Variants in CRACR2A observed in about 807,000 individuals in gnomAD.
CRACR2A encodes calcium release activated channel regulator 2A, also known as EF-hand calcium-binding domain-containing protein 4B.
Under a neutral mutation model 90.5 loss-of-function variants are expected in CRACR2A, and 79 were observed. The ratio of observed to expected loss-of-function variants is 0.87; its 90% confidence interval spans 0.73 to 1.05. CRACR2A has a LOEUF of 1.05. CRACR2A is among the 50% of genes least tolerant of loss of function. The probability of loss-of-function intolerance (pLI) is 0.00; values close to 1 mark genes in which losing one functional copy is unlikely to be tolerated. For synonymous variants in CRACR2A, 338 were observed against 356.7 expected (o/e 0.95, Z 0.59); for missense variants, 823 against 897.2 (o/e 0.92, Z 1.06).
At chr12:3,720,119 C>CAAGA (rs200436404) in intron 2 of CRACR2A, among the ~76,000 whole-genome samples, 32,909 of 125,192 alleles carry the variant, frequency 0.26, 4,505 homozygotes, top group Middle Eastern at 0.35. Context: ...AACTCTATCT[C>CAAGA]AAGAAAGAAA....
intron 15 of CRACR2A, among the ~76,000 whole-genome samples, chr12:3,629,457 G>A (rs530454062): frequency 6.6e-6 from 1 of 152,346 alleles, no homozygotes; most frequent in African/African-American, 2.4e-5. Flanking sequence ...GACAGAAGGG[G>A]CTGCCTGCTT....
intron 7 of CRACR2A, among the ~76,000 whole-genome samples, chr12:3,665,774 G>C (rs1004735780): frequency 7.9e-5 from 12 of 152,160 alleles, no homozygotes; most frequent in African/African-American, 2.9e-4. Context: ...AACCTGACGA[G>C]GCTCAATAGA....
At chr12:3,673,423 G>A (rs1384482555) in intron 7 of CRACR2A, 23 bp downstream of exon 7, 1 of 1,598,216 alleles carries the variant, frequency 6.3e-7, no homozygotes, top group Non-Finnish European at 8.5e-7. Flanking sequence ...GTTACAGAAA[G>A]CGGCTGACAC....
chr12:3,637,501 CCTT>C (rs1157940309), intron 14 of CRACR2A, among the ~76,000 whole-genome samples: 3 of 152,150 alleles, frequency 2.0e-5, no homozygotes, highest in Admixed American at 6.5e-5. Context: ...CCAATTTTCT[CCTT>C]TTTTTCCTTC....
intron 3 of CRACR2A, among the ~76,000 whole-genome samples, chr12:3,705,817 C>CACATTTTTCTG (rs1945908633): frequency 1.3e-5 from 2 of 152,328 alleles, no homozygotes; most frequent in East Asian, 3.9e-4. Flanking sequence ...TTATAGGATA[C>CACATTTTTCTG]ACATTTGGTG....
intron 15 of CRACR2A, among the ~76,000 whole-genome samples, chr12:3,629,569 G>A (rs951067890): frequency 6.6e-6 from 1 of 152,252 alleles, no homozygotes; most frequent in Non-Finnish European, 1.5e-5. Flanking sequence ...CTGCCTGCTG[G>A]TAAGGCTTGC....
chr12:3,726,494 G>A (rs1946266753), intron 2 of CRACR2A: 1 of 152,026 alleles, frequency 6.6e-6, no homozygotes. Context: ...GAAGTACAAG[G>A]AAATAAAAGA....
intron 2 of CRACR2A, among the ~76,000 whole-genome samples, chr12:3,723,293 A>G (rs757068702): frequency 6.6e-6 from 1 of 152,062 alleles, no homozygotes; most frequent in Non-Finnish European, 1.5e-5. Context: ...AGGCCTTCTC[A>G]CCATGATAGG....
intron 1 of CRACR2A, among the ~76,000 whole-genome samples, chr12:3,733,561 G>A (rs964076620): frequency 1.3e-5 from 2 of 152,094 alleles, no homozygotes; most frequent in African/African-American, 4.8e-5. Flanking sequence ...GCCATCTGAT[G>A]TGTTGACTGC....
At chr12:3,723,977 G>A (rs963066081) in intron 2 of CRACR2A, among the ~76,000 whole-genome samples, 3 of 152,052 alleles carry the variant, frequency 2.0e-5, no homozygotes, top group African/African-American at 7.3e-5. Flanking sequence ...TCGTTTCTAG[G>A]ACAATGGGTA....
rs1945591700 is a variant in CRACR2A, at chr12:3,687,941, A to C, written c.229-7592T>G. Reference sequence around the variant, plus strand: ...TTTGATTTGCGTTTCTCTAGTGATCAGTGATGACCTTTTTTTCATATGCTT... The same window carrying C: ...TTTGATTTGCGTTTCTCTAGTGATCCGTGATGACCTTTTTTTCATATGCTT... On this transcript the variant is annotated intron_variant, in intron 4 of 19. Transcript: ENST00000440314. 2.0e-5 allele frequency among the ~76,000 whole-genome samples: 3 copies of C among 152,262 alleles called. No homozygotes were observed. In the South Asian group the frequency reaches 6.2e-4, roughly 32 times the overall value.
chr12:3,750,772 G>T (rs1342914327), intron 1 of CRACR2A, among the ~76,000 whole-genome samples: 4 of 152,148 alleles, frequency 2.6e-5, no homozygotes, highest in Admixed American at 2.6e-4. Flanking sequence ...CCAGTACCCA[G>T]GCAGCCTGCA....
chr12:3,722,550 C>T (rs1041369808), intron 2 of CRACR2A, among the ~76,000 whole-genome samples: 4 of 151,334 alleles, frequency 2.6e-5, no homozygotes, highest in Non-Finnish European at 5.9e-5. Flanking sequence ...TCTGGGAGGC[C>T]GTATGGAGGT....
chr12:3,639,666 A>C (rs994386724), intron 13 of CRACR2A, among the ~76,000 whole-genome samples: 9 of 152,042 alleles, frequency 5.9e-5, no homozygotes, highest in African/African-American at 1.9e-4. Context: ...AGGAAAAAGA[A>C]AAAAAAATGC....
chr12:3,727,200 T>C (rs1306275488), intron 2 of CRACR2A: 1 of 147,370 alleles, frequency 6.8e-6, no homozygotes, highest in Non-Finnish European at 1.5e-5. Context: ...CCTTATAGTA[T>C]GGGCGGTGAG....
chr12:3,650,699 C>T (rs1351812520), intron 10 of CRACR2A, among the ~76,000 whole-genome samples: 1 of 152,128 alleles, frequency 6.6e-6, no homozygotes, highest in African/African-American at 2.4e-5. Context: ...TTCCTCTGCT[C>T]AGGAAAATCA....
chr12:3,691,869 G>T lies in CRACR2A; in HGVS notation c.228+4903C>A, dbSNP rs4766161. Among the ~76,000 whole-genome samples the T allele has an allele frequency of 0.019, 2,827 of 151,976 alleles. 179 individuals carry two copies. The East Asian group carries it at 0.24, about 13-fold the overall frequency. ...TTCTCATTCTTTTTTCTCTATTCTT[G>T]TCTGACTGTCTTATTTCAGAAAGCC... On this transcript the variant is annotated intron_variant, in intron 4 of 19. Coordinates refer to ENST00000440314, the MANE Select transcript of CRACR2A (RefSeq NM_001144958.2).
intron 6 of CRACR2A, among the ~76,000 whole-genome samples, chr12:3,677,117 C>T (rs940219983): frequency 6.6e-6 from 1 of 152,050 alleles, no homozygotes; most frequent in Non-Finnish European, 1.5e-5. Flanking sequence ...CAAGGCCACC[C>T]CTCCTGGGAG....
At chr12:3,646,937 T>C (rs1024128667) in intron 11 of CRACR2A, among the ~76,000 whole-genome samples, 2 of 152,174 alleles carry the variant, frequency 1.3e-5, no homozygotes, top group African/African-American at 4.8e-5. Context: ...AAGAAGCCTG[T>C]CAGCTAGGCA....
Sources: gnomAD v4.1 joint callset for allele counts (sites outside exome capture counted in the v4.1 genomes callset) on GRCh38, gnomAD v4.1.1 for gene constraint, MANE v1.5 for transcripts, NCBI Gene and HGNC (gene_info 2026-07-23, HGNC 2026-07-21) for gene names.